The following CFAP46 variants were observed in gnomAD, a reference collection of about 807,000 sequenced individuals.
CFAP46 encodes the protein cilia- and flagella-associated protein 46.
A neutral mutation model predicts 325.7 loss-of-function variants in CFAP46; 245 were observed. The observed-to-expected ratio is 0.75, with a 90% CI of 0.68 to 0.84. The LOEUF (loss-of-function observed/expected upper bound fraction) is 0.84, where lower values mean the gene tolerates loss of function less well. CFAP46 is among the 40% of genes least tolerant of loss of function. The pLI is 0.00. For missense variants in CFAP46, 3,346 were observed against 3,543.0 expected, an observed-to-expected ratio of 0.94 and a Z score of 1.41; for synonymous variants, 1,523 against 1,495.9, an observed-to-expected ratio of 1.02 and a Z score of -0.42.
At chr10:132,835,131 C>A (rs569719668) in intron 47 of CFAP46, among the ~76,000 whole-genome samples, 173 bp downstream of exon 47, 1 of 152,376 alleles carries the variant, frequency 6.6e-6, no homozygotes, top group Admixed American at 6.5e-5. Flanking sequence ...AGTTCTCCCC[C>A]CACATGGAGC....
At chr10:132,859,666 G>A (rs573475824) in intron 37 of CFAP46, among the ~76,000 whole-genome samples, 11 of 152,180 alleles carry the variant, frequency 7.2e-5, no homozygotes, top group Non-Finnish European at 1.3e-4. Context: ...CCGCCGCCCC[G>A]GAGCAGCCAC....
At chr10:132,840,980 C>T (rs1848337628) in intron 44 of CFAP46, among the ~76,000 whole-genome samples, 3 of 152,186 alleles carry the variant, frequency 2.0e-5, no homozygotes, top group African/African-American at 7.2e-5. Flanking sequence ...CTCTCCTCCT[C>T]TTCCTATAAA....
intron 8 of CFAP46, among the ~76,000 whole-genome samples, chr10:132,931,653 TA>T (rs1591098724): frequency 4.2e-5 from 3 of 71,464 alleles, no homozygotes; most frequent in Non-Finnish European, 5.6e-5. Flanking sequence ...TGGGCCTCCC[TA>T]CACTCCCCAC....
intron 44 of CFAP46, among the ~76,000 whole-genome samples, chr10:132,841,916 G>A (rs1172997044): frequency 1.3e-5 from 2 of 152,186 alleles, no homozygotes; most frequent in Non-Finnish European, 2.9e-5. Flanking sequence ...TGGGAGGGCA[G>A]CCTTGAGGAT....
In CFAP46 at chr10:132,941,966, C is replaced by T. The variant is rs956339304; in HGVS notation, c.174+14G>A. The T allele has an allele frequency of 1.9e-6, 3 of 1,551,386 alleles. 1 individual carries two copies. The highest frequency in any genetic ancestry group is 2.4e-5 in the East Asian group (1 of 40,916). On this transcript the variant is annotated intron_variant, in intron 2 of 57. Transcript: ENST00000368586. ...TCAAAGCTGCCCTGACCGAGGATCC[C>T]GGGAACTAGTTACCTTCAGGGCCTG...
intron 41 of CFAP46, 126 bp downstream of exon 41, chr10:132,850,118 C>G (rs879734882): frequency 1.0e-6 from 1 of 975,004 alleles, no homozygotes; most frequent in Non-Finnish European, 1.5e-6. Flanking sequence ...CGCCTACTTC[C>G]TACATTTTTC....
rs1380002691 is a variant in CFAP46 at position 132,892,416 on chromosome 10, T to C, written c.3221A>G (p.Glu1074Gly). ...IINKTEARKQ[E>G]KGKTLLLHQW... is the part of the protein sequence containing the mutation. Reference sequence around the variant, plus strand: ...GTGCAGAAGCAGCGTCTTTCCTTTCTCCTAAAGTAACGCAAGTAAACGACA... The same window carrying C: ...GTGCAGAAGCAGCGTCTTTCCTTTCCCCTAAAGTAACGCAAGTAAACGACA... The change falls in exon 25 of 58, where the codon GAG becomes GGG. Residue 1074 changes from glutamate to glycine, a missense_variant and splice_region_variant. Physicochemically the swap from Glu to Gly is moderately conservative, Grantham distance 98 (BLOSUM62 -2). Coordinates refer to ENST00000368586, the MANE Select transcript of CFAP46 (RefSeq NM_001200049.3). The C allele has an allele frequency of 1.3e-6, 2 of 1,550,548 alleles. No homozygotes were observed. The highest frequency in any genetic ancestry group is 1.7e-6 in the Non-Finnish European group (2 of 1,147,002).
intron 29 of CFAP46, 103 bp downstream of exon 29, chr10:132,879,323 G>T: frequency 8.6e-7 from 1 of 1,163,258 alleles, no homozygotes; most frequent in South Asian, 1.7e-5. Flanking sequence ...AGGAAATGCT[G>T]GGAAAGACTC....
At position 132,835,171 on chromosome 10, in the gene CFAP46, G is replaced by A. The variant is rs1422659142; in HGVS notation, c.6744+133C>T. On this transcript the variant is annotated intron_variant, in intron 47 of 57. Coordinates refer to ENST00000368586, the MANE Select transcript of CFAP46 (RefSeq NM_001200049.3). ...CCTGGGAGTTGGGCAGTGCCCGGGT[G>A]TTGGGATGGCCCAAGCCCTTCAGCA... 3.2e-6 allele frequency: 4 copies of A among 1,260,490 alleles called. No individual in the cohort carries two copies. The African/African-American group carries it at 4.5e-5, about 14-fold the overall frequency. 78.1% of individuals were successfully genotyped at this position (1,260,490 alleles called of 1,614,324 possible). A position where few individuals can be genotyped will look rare whatever the true frequency, so the allele number is the denominator to read the frequency against.
At chr10:132,864,626 A>C (rs190007151) in intron 35 of CFAP46, among the ~76,000 whole-genome samples, 5 of 98,316 alleles carry the variant, frequency 5.1e-5, no homozygotes, top group South Asian at 4.1e-4. Context: ...CGAGACTTGC[A>C]CACACCTGTC....
At position 132,808,561 on chromosome 10, in the gene CFAP46, ACAGG is replaced by A; in HGVS notation, c.8004_8007del (p.Leu2669ValfsTer30). Reference sequence around the variant, plus strand: ...CCCCGACGCAGACCCCATGGCGCACACAGGCAGGCAGAGCTCGAGGTCCAGGCGG... The same window carrying A: ...CCCCGACGCAGACCCCATGGCGCACACAGGCAGAGCTCGAGGTCCAGGCGG... On this transcript the variant is annotated frameshift_variant, in exon 58 of 58. Transcript: ENST00000368586. LOFTEE classifies it low-confidence loss of function (END_TRUNC). This position sits in a 1 kb window ranked among gnomAD's most constrained non-coding sequence, Gnocchi z 6.8. 6.2e-7 allele frequency: 1 copy of A among 1,612,946 alleles called. No individual in the cohort carries two copies. Among genetic ancestry groups the A allele is most frequent in the Non-Finnish European group, 8.5e-7 (1 of 1,179,922 alleles).
Position 132,910,074 on chromosome 10 carries a change from A to T in CFAP46, c.2500-6T>A. 6.9e-7 allele frequency: 1 copy of T among 1,441,250 alleles called. No individual in the cohort carries two copies. Among genetic ancestry groups the T allele is most frequent in the Non-Finnish European group, 9.1e-7 (1 of 1,093,428 alleles). 89.3% of individuals were successfully genotyped at this position (1,441,250 alleles called of 1,614,324 possible). ...TTCAGGGCAAACTCGCAGACCTAGG[A>T]CAGACGTGTTCTCGGTCACGAAACC... On this transcript the variant is annotated splice_region_variant and splice_polypyrimidine_tract_variant and intron_variant, in intron 19 of 57. Transcript: ENST00000368586.
rs1328337072 is a variant in CFAP46 at position 132,860,529 on chromosome 10, G to C, written c.5092-6C>G. 8 of 1,539,118 alleles carry C rather than the reference G, an allele frequency of 5.2e-6. No homozygotes were observed. The highest frequency in any genetic ancestry group is 7.0e-6 in the Non-Finnish European group (8 of 1,136,350). ...TTCTGAAATATGTGACACACCTGAG[G>C]ACAGGCAGGGGTGGATACGGGTGTG... On this transcript the variant is annotated splice_polypyrimidine_tract_variant and splice_region_variant and intron_variant, in intron 36 of 57. Coordinates refer to ENST00000368586, the MANE Select transcript of CFAP46 (RefSeq NM_001200049.3).
chr10:132,868,739 G>A (rs531305043), intron 33 of CFAP46, among the ~76,000 whole-genome samples: 6 of 152,260 alleles, frequency 3.9e-5, no homozygotes, highest in African/African-American at 7.2e-5. Flanking sequence ...TATCACTTAC[G>A]TAATTTTAAA....
At position 132,832,707 on chromosome 10, in the gene CFAP46, C is replaced by A; in HGVS notation, c.7117+651G>T. ...TCGGGGAAGCTTCACAACCGGGGCACGTCTGCACAGCCAGCACTCAGTCAC... is the reference window on the plus strand; with the variant it reads ...TCGGGGAAGCTTCACAACCGGGGCAAGTCTGCACAGCCAGCACTCAGTCAC... On this transcript the variant is annotated intron_variant, in intron 50 of 57. Transcript: ENST00000368586. The surrounding 1 kb of genome is among the most constrained non-coding windows in gnomAD (Gnocchi z 4.1). 1 of 467,538 alleles carries A rather than the reference C, an allele frequency of 2.1e-6. No individual in the cohort carries two copies. Among genetic ancestry groups the A allele is most frequent in the Non-Finnish European group, 4.5e-6 (1 of 224,082 alleles). 29.0% of individuals were successfully genotyped at this position (467,538 alleles called of 1,614,324 possible).
chr10:132,919,031 T>A lies in CFAP46; in HGVS notation c.1858+284A>T, dbSNP rs374582501. Among the ~76,000 whole-genome samples, 9 of 152,278 alleles carry A rather than the reference T, an allele frequency of 5.9e-5. No homozygotes were observed. The East Asian group carries it at 1.7e-3, about 29-fold the overall frequency. Reference sequence around the variant, plus strand: ...CCTGCAGGTGCCCCGCATGGGCATCTGCTCACTGGCTGTGGTGGCCCCTGC... The same window carrying A: ...CCTGCAGGTGCCCCGCATGGGCATCAGCTCACTGGCTGTGGTGGCCCCTGC... On this transcript the variant is annotated intron_variant, in intron 15 of 57. Coordinates refer to ENST00000368586, the MANE Select transcript of CFAP46 (RefSeq NM_001200049.3). This position sits in a 1 kb window ranked among gnomAD's most constrained non-coding sequence, Gnocchi z 9.7.
intron 27 of CFAP46, among the ~76,000 whole-genome samples, chr10:132,882,650 G>A (rs896481067): frequency 2.6e-5 from 4 of 151,934 alleles, no homozygotes; most frequent in African/African-American, 4.8e-5. Context: ...GGGCGGCAGC[G>A]GTGCTTAGCT....
rs768184973 is a variant in CFAP46 at position 132,920,043 on chromosome 10, C to G, written c.1730+16G>C. On this transcript the variant is annotated intron_variant, in intron 14 of 57. Coordinates refer to ENST00000368586, the MANE Select transcript of CFAP46 (RefSeq NM_001200049.3). ...GGCTGAGCTGTGCGTGGCGCTCTGGCCTTTTCCTCACTCACCTCTCCTTGT... is the reference window on the plus strand; with the variant it reads ...GGCTGAGCTGTGCGTGGCGCTCTGGGCTTTTCCTCACTCACCTCTCCTTGT... 2.3e-4 allele frequency: 351 copies of G among 1,530,066 alleles called. No individual in the cohort carries two copies. Among genetic ancestry groups the G allele is most frequent in the Admixed American group, 1.0e-4 (5 of 47,968 alleles). 94.8% of individuals were successfully genotyped at this position (1,530,066 alleles called of 1,614,324 possible).
In CFAP46 at chr10:132,886,497, G is replaced by A. The variant is rs1164501210; in HGVS notation, c.3305-538C>T. Among the ~76,000 whole-genome samples, 1 of 152,170 alleles carries A rather than the reference G, an allele frequency of 6.6e-6. No individual in the cohort carries two copies. The highest frequency in any genetic ancestry group is 2.4e-5 in the African/African-American group (1 of 41,444). ...ACAAAAATCGCCTGCCTGCCGGGAGGTGAGCCCCACCCAGCCTCCATAGGG... is the reference window on the plus strand; with the variant it reads ...ACAAAAATCGCCTGCCTGCCGGGAGATGAGCCCCACCCAGCCTCCATAGGG... On this transcript the variant is annotated intron_variant, in intron 25 of 57. Transcript: ENST00000368586. The surrounding 1 kb of genome is among the most constrained non-coding windows in gnomAD (Gnocchi z 5.8).
Sources: gnomAD v4.1 joint callset for allele counts (sites outside exome capture counted in the v4.1 genomes callset) on GRCh38, gnomAD v4.1.1 for gene constraint, Gnocchi (gnomAD v3.1) non-coding constraint, MANE v1.5 for transcripts, NCBI Gene and HGNC (gene_info 2026-07-23, HGNC 2026-07-21) for gene names.